DTNBP1: variants seen among roughly 807,000 people sequenced by gnomAD.
DTNBP1 encodes dystrobrevin binding protein 1, also known as dysbindin.
In DTNBP1, 35 loss-of-function variants were observed where a neutral mutation model predicts 42.8. That is an observed-to-expected ratio of 0.82 (90% CI 0.63 to 1.09). The LOEUF is 1.09. Ranked by LOEUF, DTNBP1 falls within the 50% of genes least tolerant of loss-of-function variation. DTNBP1 has a pLI of 0.00. For missense variants in DTNBP1, 457 were observed against 424.2 expected, an observed-to-expected ratio of 1.08 and a Z score of -0.68; for synonymous variants, 171 against 162.2, an observed-to-expected ratio of 1.05 and a Z score of -0.41.
At chr6:15,641,611 T>C (rs1317159326) in intron 3 of DTNBP1, among the ~76,000 whole-genome samples, 2 of 152,162 alleles carry the variant, frequency 1.3e-5, no homozygotes, top group East Asian at 3.9e-4. Flanking sequence ...AACTCGTGTG[T>C]ACATGCGTGT....
At chr6:15,583,747 C>T (rs1356507247) in intron 7 of DTNBP1, among the ~76,000 whole-genome samples, 1 of 152,168 alleles carries the variant, frequency 6.6e-6, no homozygotes, top group East Asian at 1.9e-4. Flanking sequence ...TGATAGACAA[C>T]AAAACGTTGT....
At chr6:15,591,284 G>C (rs1776288922) in intron 7 of DTNBP1, among the ~76,000 whole-genome samples, 1 of 151,958 alleles carries the variant, frequency 6.6e-6, no homozygotes, top group South Asian at 2.1e-4. Context: ...ATTTTTAGTA[G>C]AGATGGGGTT....
intron 7 of DTNBP1, among the ~76,000 whole-genome samples, chr6:15,537,428 C>CAA (rs35563702): frequency 2.0e-4 from 25 of 124,820 alleles, no homozygotes; most frequent in African/African-American, 6.8e-4. Context: ...GACTGCATCT[C>CAA]AAAAAAAAAA....
rs1370892134 is a variant in DTNBP1, at chr6:15,523,063, T to C, written c.968A>G (p.Glu323Gly). Residue 323 changes from glutamate to glycine, a missense_variant, in exon 10 of 10, where the codon GAG (glutamate) becomes GGG (glycine). Transcript: ENST00000344537. Reference sequence around the variant, plus strand: ...GGCAGTGTCCACCTGAACTTCCTCCTCATCGGACTGAACAACGGGGGACTC... The same window carrying C: ...GGCAGTGTCCACCTGAACTTCCTCCCCATCGGACTGAACAACGGGGGACTC... ...GGESPVVQSD[E>G]EEVQVDTALA... is the part of the protein sequence containing the mutation. 6.2e-7 allele frequency: 1 copy of C among 1,614,058 alleles called. No individual in the cohort carries two copies. Among genetic ancestry groups the C allele is most frequent in the Admixed American group, 1.7e-5 (1 of 60,008 alleles).
At chr6:15,524,158 A>G (rs1346127626) in intron 9 of DTNBP1, 5 of 1,424,608 alleles carry the variant, frequency 3.5e-6, no homozygotes, top group Non-Finnish European at 3.7e-6. Flanking sequence ...ACGAAGAGGG[A>G]AGAGTTTCCC....
intron 8 of DTNBP1, 127 bp downstream of exon 8, chr6:15,533,112 TG>T: frequency 6.9e-7 from 1 of 1,445,252 alleles, no homozygotes; most frequent in Non-Finnish European, 9.4e-7. Flanking sequence ...ACATTTTGGT[TG>T]CTGGGGTCTC....
chr6:15,626,026 C>G (rs1163957471), intron 5 of DTNBP1, among the ~76,000 whole-genome samples: 1 of 152,204 alleles, frequency 6.6e-6, no homozygotes, highest in Admixed American at 6.5e-5. Context: ...AAAGGCATGG[C>G]AACAGCCAGG....
chr6:15,526,336 C>T (rs1282661252), intron 8 of DTNBP1, among the ~76,000 whole-genome samples: 1 of 152,120 alleles, frequency 6.6e-6, no homozygotes, highest in African/African-American at 2.4e-5. Flanking sequence ...GCCAAATTAC[C>T]CTCCTGAACA....
intron 9 of DTNBP1, 110 bp downstream of exon 9, chr6:15,524,416 C>G (rs774553559): frequency 3.7e-6 from 6 of 1,614,158 alleles, no homozygotes; most frequent in Non-Finnish European, 5.1e-6. Context: ...TGGCTGTGAG[C>G]TTGGGGGTTT....
chr6:15,536,522 T>C (rs1773238010), intron 7 of DTNBP1, among the ~76,000 whole-genome samples: 1 of 152,246 alleles, frequency 6.6e-6, no homozygotes, highest in African/African-American at 2.4e-5. Flanking sequence ...CACATGCTGT[T>C]AGGCCTGCGG....
At chr6:15,629,728 C>A (rs959895012) in intron 4 of DTNBP1, among the ~76,000 whole-genome samples, 2 of 152,110 alleles carry the variant, frequency 1.3e-5, no homozygotes, top group African/African-American at 4.8e-5. Context: ...AATATTATAA[C>A]CTCCATTATA....
intron 7 of DTNBP1, among the ~76,000 whole-genome samples, chr6:15,583,537 C>G (rs1185121429): frequency 6.6e-6 from 1 of 152,196 alleles, no homozygotes; most frequent in East Asian, 1.9e-4. Context: ...AAAGCTAAGA[C>G]AAAATCATGA....
chr6:15,578,792 T>C (rs1483223093), intron 7 of DTNBP1, among the ~76,000 whole-genome samples: 1 of 152,032 alleles, frequency 6.6e-6, no homozygotes, highest in Non-Finnish European at 1.5e-5. Context: ...AAAAGGTATG[T>C]GAAAAAAATG....
rs1772998386 is a variant in DTNBP1 at position 15,533,311 on chromosome 6, A to G, written c.596T>C (p.Phe199Ser). Residue 199 changes from phenylalanine (F) to serine (S), a missense_variant, in exon 8 of 10, where the codon TTT (phenylalanine) becomes TCT (serine). By Grantham distance (155) the Phe-to-Ser change is radical (BLOSUM62 -2). Coordinates refer to ENST00000344537, the MANE Select transcript of DTNBP1 (RefSeq NM_032122.5). ...CATGTCCTGCTGGAAGGCTTCCTCA[A>G]AAAACTTCTGCCGCTCCTTCAGCTT... ...QMKLKERQKFFEEAFQQDMEQ... is the reference protein window; with the variant it reads ...QMKLKERQKFSEEAFQQDMEQ... The G allele has an allele frequency of 6.2e-7, 1 of 1,614,100 alleles. No homozygotes were observed. Among genetic ancestry groups the G allele is most frequent in the Non-Finnish European group, 8.5e-7 (1 of 1,180,044 alleles).
At chr6:15,628,797 G>A (rs1459194589) in intron 4 of DTNBP1, among the ~76,000 whole-genome samples, 1 of 152,150 alleles carries the variant, frequency 6.6e-6, no homozygotes, top group Non-Finnish European at 1.5e-5. Flanking sequence ...TTGGAGGAAT[G>A]AATATATCAA....
chr6:15,544,449 G>A (rs934473090), intron 7 of DTNBP1, among the ~76,000 whole-genome samples: 5 of 152,118 alleles, frequency 3.3e-5, no homozygotes, highest in Admixed American at 6.5e-5. Flanking sequence ...TGGGTCATAC[G>A]GTAAGTTCAT....
chr6:15,617,752 GA>G (rs1758798185), intron 5 of DTNBP1, among the ~76,000 whole-genome samples: 1 of 152,116 alleles, frequency 6.6e-6, no homozygotes, highest in South Asian at 2.1e-4. Flanking sequence ...TTAAATGTAA[GA>G]GCTGAAACCA....
intron 7 of DTNBP1, among the ~76,000 whole-genome samples, chr6:15,536,034 G>A (rs1199874346): frequency 1.3e-5 from 2 of 152,204 alleles, no homozygotes; most frequent in Non-Finnish European, 2.9e-5. Flanking sequence ...TTTCTAAGCA[G>A]TAAAGCATTC....
chr6:15,539,734 T>C (rs1773451132), intron 7 of DTNBP1, among the ~76,000 whole-genome samples: 2 of 152,246 alleles, frequency 1.3e-5, no homozygotes, highest in Admixed American at 6.5e-5. Context: ...TCACTGGCTT[T>C]AGCAGCTTCC....
Sources: allele counts gnomAD v4.1 joint callset (sites outside exome capture counted in the v4.1 genomes callset), GRCh38; gene constraint gnomAD v4.1.1; transcripts MANE v1.5; gene names NCBI Gene and HGNC (gene_info 2026-07-23, HGNC 2026-07-21).